The following SLC22A23 variants were observed in gnomAD, a reference collection of about 807,000 sequenced individuals.
SLC22A23 encodes ion transporter protein.
A neutral mutation model predicts 61.0 loss-of-function variants in SLC22A23; 26 were observed. That is an observed-to-expected ratio of 0.43 (90% confidence interval 0.31 to 0.59). SLC22A23 has a LOEUF of 0.59. SLC22A23 is among the 20% of genes least tolerant of loss of function. The pLI is 0.11. For missense variants in SLC22A23, 796 were observed against 934.7 expected, an observed-to-expected ratio of 0.85 and a Z score of 1.94; for synonymous variants, 430 against 413.9, an observed-to-expected ratio of 1.04 and a Z score of -0.47.
At chr6:3,395,221 A>C (rs1446049170) in intron 3 of SLC22A23, among the ~76,000 whole-genome samples, 1 of 152,216 alleles carries the variant, frequency 6.6e-6, no homozygotes, top group East Asian at 1.9e-4. Flanking sequence ...GTGAACCTAT[A>C]ATAAGATTTT....
chr6:3,369,988 C>T (rs907914540), intron 3 of SLC22A23, among the ~76,000 whole-genome samples: 5 of 152,312 alleles, frequency 3.3e-5, no homozygotes, highest in African/African-American at 9.6e-5. Context: ...ATTTGTTGAG[C>T]ATCACCCTTC....
chr6:3,408,762 C>G (rs920792510), intron 3 of SLC22A23, among the ~76,000 whole-genome samples: 12 of 152,230 alleles, frequency 7.9e-5, no homozygotes, highest in Non-Finnish European at 1.5e-4. Context: ...TCCTGAAGCA[C>G]AGCTATTCCA....
Position 3,297,261 on chromosome 6 carries a change from G to A in SLC22A23, c.1210+830C>T, listed in dbSNP as rs573141463. Among the ~76,000 whole-genome samples, 4 of 152,334 alleles carry A rather than the reference G, an allele frequency of 2.6e-5. No homozygotes were observed. Among genetic ancestry groups the A allele is most frequent in the South Asian group, 2.1e-4 (1 of 4,822 alleles). On this transcript the variant is annotated intron_variant, in intron 5 of 9. Transcript: ENST00000406686. This position sits in a 1 kb window ranked among gnomAD's most constrained non-coding sequence, Gnocchi z 4.3. ...AGCATTTCTGGTCAGGGGGGAAAAT[G>A]AGCATATTCTCTCTTGGACGATGGC...
intron 4 of SLC22A23, among the ~76,000 whole-genome samples, chr6:3,300,230 C>T (rs755409577): frequency 7.2e-5 from 11 of 152,052 alleles, no homozygotes; most frequent in Non-Finnish European, 1.6e-4. Flanking sequence ...AGGCTGGTCT[C>T]GAACGCCTGA....
At chr6:3,325,364 G>A (rs1287614515) in intron 3 of SLC22A23, among the ~76,000 whole-genome samples, 1 of 152,146 alleles carries the variant, frequency 6.6e-6, no homozygotes, top group African/African-American at 2.4e-5. Context: ...AGGGCACCAT[G>A]CCAGCCAATT....
chr6:3,368,204 C>T (rs1034625603), intron 3 of SLC22A23, among the ~76,000 whole-genome samples: 1 of 152,198 alleles, frequency 6.6e-6, no homozygotes. Context: ...GGGATACGTT[C>T]CCCTCTCCAG....
At chr6:3,290,878 G>A (rs946399803) in intron 5 of SLC22A23, 5 of 152,218 alleles carry the variant, frequency 3.3e-5, no homozygotes, top group African/African-American at 4.8e-5. Flanking sequence ...GAGACTTCCC[G>A]AAGCGGAGGG....
intron 3 of SLC22A23, among the ~76,000 whole-genome samples, chr6:3,367,147 C>T (rs527809709): frequency 1.3e-5 from 2 of 152,328 alleles, no homozygotes; most frequent in South Asian, 2.1e-4. Context: ...ATGCGAAATG[C>T]TCTTTTCCCT....
chr6:3,398,647 G>A (rs1026746120), intron 3 of SLC22A23, among the ~76,000 whole-genome samples: 4 of 151,764 alleles, frequency 2.6e-5, no homozygotes, highest in South Asian at 4.2e-4. Flanking sequence ...CTGCAGCTTC[G>A]CCCAAGAGCA....
chr6:3,297,755 GCGCTCTGGC>G lies in SLC22A23; in HGVS notation c.1210+327_1210+335del. ...CAGGGGCCATCTACACCCTGAGCCA[GCGCTCTGGC>G]AGTGTTTAGACCTGGCAGGCAGGTA... On this transcript the variant is annotated intron_variant, in intron 5 of 9. Transcript: ENST00000406686. This position sits in a 1 kb window ranked among gnomAD's most constrained non-coding sequence, Gnocchi z 4.3. 6.6e-6 allele frequency among the ~76,000 whole-genome samples: 1 copy of G among 152,232 alleles called. No individual in the cohort carries two copies. Among genetic ancestry groups the G allele is most frequent in the Non-Finnish European group, 1.5e-5 (1 of 68,042 alleles).
At chr6:3,341,898 AT>A (rs1764177545) in intron 3 of SLC22A23, among the ~76,000 whole-genome samples, 1 of 152,206 alleles carries the variant, frequency 6.6e-6, no homozygotes, top group Non-Finnish European at 1.5e-5. Context: ...TTTAAAAAAA[AT>A]CATACAACTT....
intron 1 of SLC22A23, among the ~76,000 whole-genome samples, chr6:3,448,909 GGAGAGGGA>G (rs200831561): frequency 0.013 from 1,992 of 148,860 alleles, 19 homozygotes; most frequent in African/African-American, 0.019. Flanking sequence ...AGACGGAGAG[GGAGAGGGA>G]GAGATCTGCA....
chr6:3,340,320 GTAAA>G (rs1441018185), intron 3 of SLC22A23, among the ~76,000 whole-genome samples: 1 of 152,118 alleles, frequency 6.6e-6, no homozygotes, highest in Non-Finnish European at 1.5e-5. Context: ...ATGATATAAG[GTAAA>G]ACGCCCGCCG....
At chr6:3,369,761 A>G (rs1305135322) in intron 3 of SLC22A23, among the ~76,000 whole-genome samples, 1 of 152,226 alleles carries the variant, frequency 6.6e-6, no homozygotes, top group East Asian at 1.9e-4. Context: ...ACTAGTCCAT[A>G]CAAGCATTTT....
intron 4 of SLC22A23, among the ~76,000 whole-genome samples, chr6:3,299,333 T>C (rs1431385089): frequency 6.6e-6 from 1 of 152,198 alleles, no homozygotes; most frequent in Non-Finnish European, 1.5e-5. Context: ...TTTAAAAAAT[T>C]ACTTCCAAAT....
intron 3 of SLC22A23, among the ~76,000 whole-genome samples, chr6:3,393,714 A>C (rs1178155129): frequency 6.6e-6 from 1 of 152,252 alleles, no homozygotes; most frequent in Non-Finnish European, 1.5e-5. Flanking sequence ...GTTCATGTTT[A>C]CAAACTGTTT....
At chr6:3,290,155 G>C in intron 5 of SLC22A23, 1 of 487,272 alleles carries the variant, frequency 2.1e-6, no homozygotes, top group South Asian at 2.1e-5. Context: ...ACCAGTCAGA[G>C]TGCACACAAA....
At chr6:3,424,600 T>C (rs1444044236) in intron 1 of SLC22A23, among the ~76,000 whole-genome samples, 2 of 152,260 alleles carry the variant, frequency 1.3e-5, no homozygotes, top group African/African-American at 4.8e-5. Context: ...GTACTCATGA[T>C]AAAACACGTA....
chr6:3,436,431 C>T (rs919879293), intron 1 of SLC22A23, among the ~76,000 whole-genome samples: 2 of 152,096 alleles, frequency 1.3e-5, no homozygotes, highest in Admixed American at 1.3e-4. Flanking sequence ...CCACTGTGCC[C>T]GGGCCCTTCT....
Sources: gnomAD v4.1 joint callset for allele counts (sites outside exome capture counted in the v4.1 genomes callset) on GRCh38, gnomAD v4.1.1 for gene constraint, Gnocchi (gnomAD v3.1) non-coding constraint, MANE v1.5 for transcripts, NCBI Gene and HGNC (gene_info 2026-07-23, HGNC 2026-07-21) for gene names.